The following CREBZF variants were observed in gnomAD, a reference collection of about 807,000 sequenced individuals.
CREBZF encodes HCF-binding transcription factor Zhangfei.
CREBZF carries 8 observed loss-of-function variants against 21.1 expected under a neutral mutation model. The ratio of observed to expected loss-of-function variants is 0.38; its 90% CI spans 0.22 to 0.68. The LOEUF is 0.68. Among genes scored for constraint, CREBZF ranks in the 30% least tolerant of loss-of-function variants. The pLI is 0.51. For synonymous variants in CREBZF, 270 were observed against 223.3 expected, an observed-to-expected ratio of 1.21 and a Z score of -1.86; for missense variants, 518 against 484.3, an observed-to-expected ratio of 1.07 and a Z score of -0.65.
rs955053551 is a variant in CREBZF at position 85,663,074 on chromosome 11, T to C, written c.*737A>G. The C allele has an allele frequency of 5.8e-6, 1 of 170,942 alleles. No homozygotes were observed. Among genetic ancestry groups the C allele is most frequent in the Non-Finnish European group, 1.3e-5 (1 of 78,490 alleles). The allele number at this position is 170,942 out of a possible 1,614,324, so 10.6% of individuals were successfully genotyped here. A position where few individuals can be genotyped will look rare whatever the true frequency, so the allele number is the denominator to read the frequency against. Reference sequence around the variant, plus strand: ...CACCTCCAGCAAAATAACTATCACATTTGTGCATGCCCCAAATACTTAACT... The same window carrying C: ...CACCTCCAGCAAAATAACTATCACACTTGTGCATGCCCCAAATACTTAACT... On this transcript the variant is annotated 3_prime_UTR_variant, in exon 1 of 1. Coordinates refer to ENST00000527447, the MANE Select transcript of CREBZF (RefSeq NM_001039618.4).
upstream of CREBZF, among the ~76,000 whole-genome samples, chr11:85,669,132 A>ACTATACTC (rs1337219824): frequency 6.6e-6 from 1 of 151,414 alleles, no homozygotes; most frequent in Non-Finnish European, 1.5e-5. Context: ...TCAGGATTCA[A>ACTATACTC]CTATACTCCA....
chr11:85,677,819 T>C (rs1454708180), intron 1 of CREBZF, among the ~76,000 whole-genome samples: 1 of 152,236 alleles, frequency 6.6e-6, no homozygotes, highest in Non-Finnish European at 1.5e-5. Context: ...TCTCTCCTAA[T>C]GGTTTCATCT....
intron 1 of CREBZF, among the ~76,000 whole-genome samples, chr11:85,681,611 A>ACT (rs2082976800): frequency 6.6e-6 from 1 of 152,180 alleles, no homozygotes; most frequent in Admixed American, 6.5e-5. Context: ...CACTACTCAT[A>ACT]CATTATTTGC....
upstream of CREBZF, among the ~76,000 whole-genome samples, chr11:85,665,373 A>T (rs539486599): frequency 8.7e-5 from 13 of 150,150 alleles, no homozygotes; most frequent in South Asian, 6.3e-4. Context: ...ATGCTTGTAA[A>T]TTTTTTTTTT....
rs990448680 is a variant in CREBZF, at chr11:85,662,250, TAAC to T, written c.*1558_*1560del. On this transcript the variant is annotated 3_prime_UTR_variant, in exon 1 of 1. Transcript: ENST00000527447. ...CAAGGATTCCATTTTCATAACCAAA[TAAC>T]AAAATAAAACATTTTATGTGTAAGA... The T allele has an allele frequency of 4.6e-5, 27 of 591,490 alleles. No homozygotes were observed. In the African/African-American group the frequency reaches 4.9e-4, roughly 11 times the overall value. 36.6% of individuals were successfully genotyped at this position (591,490 alleles called of 1,614,324 possible). A position where few individuals can be genotyped will look rare whatever the true frequency, so the allele number is the denominator to read the frequency against.
Position 85,664,210 on chromosome 11 carries a change from T to A in CREBZF, c.666A>T (p.Arg222=). ...CCATCACGTACTCCTTCTTCTTCAG[T>A]CGATTAAGGCGGGCAGCGGCCGCCG... The part of the protein sequence containing the change: ...KAAAAAARLN[R]LKKKEYVMGL... Residue 222 remains arginine, a synonymous_variant, in exon 1 of 1, where the codon CGA becomes CGT. Coordinates refer to ENST00000527447, the MANE Select transcript of CREBZF (RefSeq NM_001039618.4). This position sits in a 1 kb window ranked among gnomAD's most constrained non-coding sequence, Gnocchi z 5.5. 1 of 1,613,252 alleles carries A rather than the reference T, an allele frequency of 6.2e-7. No individual in the cohort carries two copies. Among genetic ancestry groups the A allele is most frequent in the Non-Finnish European group, 8.5e-7 (1 of 1,179,926 alleles).
At chr11:85,679,080 C>T (rs2082959796) in intron 1 of CREBZF, among the ~76,000 whole-genome samples, 1 of 152,224 alleles carries the variant, frequency 6.6e-6, no homozygotes, top group African/African-American at 2.4e-5. Context: ...GCTGCTTATT[C>T]TGCAGCCCTG....
In CREBZF at chr11:85,664,697, T is replaced by C. The variant is rs772768261; in HGVS notation, c.179A>G (p.Glu60Gly). Residue 60 changes from glutamate to glycine, a missense_variant, in exon 1 of 1, where the codon GAA becomes GGA. Glu to Gly is a moderately conservative substitution (Grantham distance 98). Transcript: ENST00000527447. This position sits in a 1 kb window ranked among gnomAD's most constrained non-coding sequence, Gnocchi z 5.5. ...CCCCCTCCCGGCTTCCAACTCTCCT[T>C]CGTCGCCAAACTGCTGCTTGCGGCC... Reference protein sequence around the residue: ...SPGRKQQFGDEGELEAGRGSR... With the variant: ...SPGRKQQFGDGGELEAGRGSR... The C allele has an allele frequency of 6.2e-7, 1 of 1,600,104 alleles. No homozygotes were observed. Among genetic ancestry groups the C allele is most frequent in the Non-Finnish European group, 8.5e-7 (1 of 1,174,360 alleles).
At chr11:85,676,046 T>C (rs1755428851) in intron 1 of CREBZF, among the ~76,000 whole-genome samples, 3 of 152,244 alleles carry the variant, frequency 2.0e-5, no homozygotes, top group Admixed American at 6.5e-5. Flanking sequence ...ATTATACTAT[T>C]GTGGACTAAT....
chr11:85,674,545 T>A (rs1342242166), intron 1 of CREBZF, among the ~76,000 whole-genome samples: 1 of 152,236 alleles, frequency 6.6e-6, no homozygotes, highest in Non-Finnish European at 1.5e-5. Flanking sequence ...ATATGAGCAC[T>A]GGCTTCAACT....
At position 85,660,067 on chromosome 11, in the gene CREBZF, T is replaced by C. The variant is rs1343976897; in HGVS notation, c.*3744A>G. ...AGGACTACTCTTTATAGTTCAGAAC[T>C]TTACATTAACTTTTATATTCTACTC... On this transcript the variant is annotated 3_prime_UTR_variant, in exon 1 of 1. Transcript: ENST00000527447. The C allele has an allele frequency of 2.0e-5, 3 of 152,368 alleles. No individual in the cohort carries two copies. Among genetic ancestry groups the C allele is most frequent in the African/African-American group, 7.2e-5 (3 of 41,444 alleles). The allele number at this position is 152,368 out of a possible 1,614,324, so 9.4% of individuals were successfully genotyped here.
At position 85,664,086 on chromosome 11, in the gene CREBZF, TCTC is replaced by T; in HGVS notation, c.787_789del (p.Glu263del). The T allele has an allele frequency of 6.2e-7, 1 of 1,613,566 alleles. No individual in the cohort carries two copies. On this transcript the variant is annotated inframe_deletion, in exon 1 of 1. Coordinates refer to ENST00000527447, the MANE Select transcript of CREBZF (RefSeq NM_001039618.4). This position sits in a 1 kb window ranked among gnomAD's most constrained non-coding sequence, Gnocchi z 5.5. ...GCTAAGACTGCCCGTAGGTAGCGACTCTCCTCCTGCAGTGCCTGTACGCGTTTG... is the reference window on the plus strand; with the variant it reads ...GCTAAGACTGCCCGTAGGTAGCGACTCTCCTGCAGTGCCTGTACGCGTTTG...
rs1408475737 is a variant in CREBZF, at chr11:85,662,919, G to A, written c.*892C>T. The stretch of plus-strand genomic sequence containing the variant: ...TTATTCTCCAATTAACTAAAACGCA[G>A]GAGTCTCATATGTATGTTAATTTCC... On this transcript the variant is annotated 3_prime_UTR_variant, in exon 1 of 1. Coordinates refer to ENST00000527447, the MANE Select transcript of CREBZF (RefSeq NM_001039618.4). 2 of 156,498 alleles carry A rather than the reference G, an allele frequency of 1.3e-5. No homozygotes were observed. Among genetic ancestry groups the A allele is most frequent in the African/African-American group, 4.8e-5 (2 of 41,462 alleles). The allele number at this position is 156,498 out of a possible 1,614,324, so 9.7% of individuals were successfully genotyped here.
intron 1 of CREBZF, among the ~76,000 whole-genome samples, chr11:85,672,170 C>T (rs2082915853): frequency 6.6e-6 from 1 of 152,276 alleles, no homozygotes; most frequent in Non-Finnish European, 1.5e-5. Context: ...AAGCCATAGC[C>T]TGAGCTGTGC....
chr11:85,680,479 G>C (rs2082969760), intron 1 of CREBZF, among the ~76,000 whole-genome samples: 1 of 152,216 alleles, frequency 6.6e-6, no homozygotes, highest in South Asian at 2.1e-4. Context: ...AGTAGCTAAG[G>C]CAGGAGTCCC....
intron 1 of CREBZF, among the ~76,000 whole-genome samples, chr11:85,680,782 A>G (rs2082971615): frequency 6.6e-6 from 1 of 152,244 alleles, no homozygotes; most frequent in Non-Finnish European, 1.5e-5. Context: ...AAATTCCAAT[A>G]ACTTTTTTAA....
chr11:85,670,196 G>A (rs918007698), intron 1 of CREBZF, among the ~76,000 whole-genome samples: 18 of 148,662 alleles, frequency 1.2e-4, no homozygotes, highest in Admixed American at 2.7e-4. Context: ...AATACAAAAT[G>A]AAAATTAATT....
In CREBZF at chr11:85,664,795, T is replaced by C. The variant is rs771688438; in HGVS notation, c.81A>G (p.Ala27=). Residue 27 remains alanine, a synonymous_variant, in exon 1 of 1, where the codon GCA becomes GCG. Transcript: ENST00000527447. The surrounding 1 kb of genome is among the most constrained non-coding windows in gnomAD (Gnocchi z 5.5). ...PTRSESPEPA[A]TCSLPSDLTR... ...TCAGGTCAGAGGGCAGCGAACAAGT[T>C]GCAGCCGGCTCCGGGCTCTCACTGC... is the stretch of plus-strand genomic sequence containing the variant. 7 of 1,575,986 alleles carry C rather than the reference T, an allele frequency of 4.4e-6. No individual in the cohort carries two copies. The highest frequency in any genetic ancestry group is 6.0e-6 in the Non-Finnish European group (7 of 1,165,742).
chr11:85,671,340 A>G (rs2082910211), intron 1 of CREBZF, among the ~76,000 whole-genome samples: 1 of 152,162 alleles, frequency 6.6e-6, no homozygotes, highest in South Asian at 2.1e-4. Flanking sequence ...ACAGTTCAAG[A>G]TGACATTTGG....
Sources: gnomAD v4.1 joint callset for allele counts (sites outside exome capture counted in the v4.1 genomes callset) on GRCh38, gnomAD v4.1.1 for gene constraint, Gnocchi (gnomAD v3.1) non-coding constraint, MANE v1.5 for transcripts, NCBI Gene and HGNC (gene_info 2026-07-23, HGNC 2026-07-21) for gene names.